Variants in ADAMTS19 observed in about 807,000 individuals in gnomAD.
ADAMTS19 encodes A disintegrin and metalloproteinase with thrombospondin motifs 19.
Under a neutral mutation model 153.3 loss-of-function variants are expected in ADAMTS19, and 93 were observed. That is an observed-to-expected ratio of 0.61 (90% confidence interval 0.51 to 0.72). ADAMTS19 has a LOEUF of 0.72. Ranked by LOEUF, ADAMTS19 falls within the 30% of genes least tolerant of loss-of-function variation. The probability of loss-of-function intolerance (pLI) is 0.00; values close to 1 mark genes in which losing one functional copy is unlikely to be tolerated. For missense variants in ADAMTS19, 1,482 were observed against 1,552.1 expected (o/e 0.95, Z 0.76); for synonymous variants, 600 against 556.6 (o/e 1.08, Z -1.10).
intron 2 of ADAMTS19, among the ~76,000 whole-genome samples, chr5:129,491,033 G>A (rs972113939): frequency 4.6e-5 from 7 of 152,086 alleles, no homozygotes; most frequent in Non-Finnish European, 8.8e-5. Context: ...GTCTCGCTCT[G>A]TTGCCCAGGC....
chr5:129,693,487 C>T (rs1755423886), intron 18 of ADAMTS19, among the ~76,000 whole-genome samples: 1 of 152,108 alleles, frequency 6.6e-6, no homozygotes, highest in African/African-American at 2.4e-5. Context: ...CTTCTTACTT[C>T]TTCATGATCA....
chr5:129,580,521 G>C (rs766365234), intron 7 of ADAMTS19, among the ~76,000 whole-genome samples: 1 of 152,134 alleles, frequency 6.6e-6, no homozygotes, highest in Non-Finnish European at 1.5e-5. Flanking sequence ...GGTTTTCAAA[G>C]GGGATGCTTC....
In ADAMTS19 at chr5:129,555,051, G is replaced by T. The variant is rs376487267; in HGVS notation, c.1372+3144G>T. Among the ~76,000 whole-genome samples the T allele has an allele frequency of 2.9e-4, 44 of 152,026 alleles. No homozygotes were observed. In the East Asian group the frequency reaches 6.8e-3, roughly 23 times the overall value. Reference sequence around the variant, plus strand: ...TTTTGACAGATGCTTTTAAGTCATTGTTTACTTCTTTTCTCTTTTATCTAT... The same window carrying T: ...TTTTGACAGATGCTTTTAAGTCATTTTTTACTTCTTTTCTCTTTTATCTAT... On this transcript the variant is annotated intron_variant, in intron 7 of 22. Transcript: ENST00000274487.
chr5:129,469,666 G>A (rs1286522685), intron 2 of ADAMTS19, among the ~76,000 whole-genome samples: 1 of 152,162 alleles, frequency 6.6e-6, no homozygotes, highest in Non-Finnish European at 1.5e-5. Context: ...TATGCTGAAG[G>A]CCAGGAGAAT....
chr5:129,641,200 C>T (rs1426854134), intron 10 of ADAMTS19, among the ~76,000 whole-genome samples: 1 of 152,184 alleles, frequency 6.6e-6, no homozygotes, highest in African/African-American at 2.4e-5. Context: ...TACATTTCCT[C>T]AGAGTTATCT....
chr5:129,667,597 C>A (rs946169354), intron 16 of ADAMTS19, among the ~76,000 whole-genome samples: 2 of 151,968 alleles, frequency 1.3e-5, no homozygotes, highest in Non-Finnish European at 2.9e-5. Context: ...ATGTACCCCC[C>A]ACCCTCCTGC....
intron 7 of ADAMTS19, among the ~76,000 whole-genome samples, chr5:129,559,282 A>G (rs566383847): frequency 4.7e-4 from 72 of 152,228 alleles, no homozygotes; most frequent in African/African-American, 1.5e-3. Flanking sequence ...GAGTATAAAA[A>G]CAACTTTTCT....
At chr5:129,634,308 T>G (rs1242790882) in intron 10 of ADAMTS19, among the ~76,000 whole-genome samples, 1 of 152,132 alleles carries the variant, frequency 6.6e-6, no homozygotes, top group African/African-American at 2.4e-5. Flanking sequence ...GGAAAAACAT[T>G]CCATGCTTAT....
chr5:129,670,738 T>C (rs925809381), intron 16 of ADAMTS19, among the ~76,000 whole-genome samples: 2 of 152,174 alleles, frequency 1.3e-5, no homozygotes, highest in African/African-American at 4.8e-5. Flanking sequence ...ATCAACTAAT[T>C]GTATAGAATT....
intron 21 of ADAMTS19, among the ~76,000 whole-genome samples, chr5:129,731,063 A>T (rs1443142950): frequency 1.3e-5 from 2 of 151,948 alleles, no homozygotes; most frequent in Non-Finnish European, 2.9e-5. Context: ...GATTCAAGCA[A>T]TTCTCCTGTC....
At chr5:129,694,911 T>G (rs969721260) in intron 19 of ADAMTS19, 56 bp downstream of exon 19, 90 of 1,411,834 alleles carry the variant, frequency 6.4e-5, no homozygotes, top group Non-Finnish European at 8.0e-5. Flanking sequence ...TTGCTGTCCT[T>G]TAAAACATGC....
chr5:129,469,071 C>T (rs959848153), intron 2 of ADAMTS19, among the ~76,000 whole-genome samples: 2 of 152,106 alleles, frequency 1.3e-5, no homozygotes, highest in Admixed American at 6.5e-5. Flanking sequence ...GTCACCACAC[C>T]AGGCCATCTT....
chr5:129,612,415 C>T lies in ADAMTS19; in HGVS notation c.1479-8203C>T, dbSNP rs541295901. Among the ~76,000 whole-genome samples, 6 of 151,994 alleles carry T rather than the reference C, an allele frequency of 3.9e-5. No individual in the cohort carries two copies. The South Asian group carries it at 1.3e-3, about 32-fold the overall frequency. ...TTGCTTAAAGAAAAGAATTTTCAAC[C>T]CAGAATTTCATATCCAGCCAAACTA... is the stretch of plus-strand genomic sequence containing the variant. On this transcript the variant is annotated intron_variant, in intron 8 of 22. Coordinates refer to ENST00000274487, the MANE Select transcript of ADAMTS19 (RefSeq NM_133638.6).
intron 7 of ADAMTS19, among the ~76,000 whole-genome samples, chr5:129,566,870 C>T (rs1198354915): frequency 1.3e-5 from 2 of 152,008 alleles, no homozygotes; most frequent in Admixed American, 6.6e-5. Context: ...ATGGGGTAGA[C>T]GCCATTGCTT....
chr5:129,717,056 A>C (rs1278049278), intron 21 of ADAMTS19, among the ~76,000 whole-genome samples: 1 of 152,188 alleles, frequency 6.6e-6, no homozygotes, highest in Non-Finnish European at 1.5e-5. Flanking sequence ...AAGTCCTCAA[A>C]GACCAGCTGG....
intron 11 of ADAMTS19, among the ~76,000 whole-genome samples, chr5:129,643,375 A>AG (rs1270642386): frequency 6.7e-6 from 1 of 149,036 alleles, no homozygotes; most frequent in Non-Finnish European, 1.5e-5. Flanking sequence ...GACAAAAAAA[A>AG]AAAAAAAAAA....
At chr5:129,618,986 A>G (rs181933656) in intron 8 of ADAMTS19, among the ~76,000 whole-genome samples, 82 of 152,218 alleles carry the variant, frequency 5.4e-4, no homozygotes, top group South Asian at 1.0e-3. Context: ...GTAAAAATTT[A>G]TAATGCAGTA....
chr5:129,607,694 T>C (rs1353616156), intron 8 of ADAMTS19, among the ~76,000 whole-genome samples: 1 of 152,200 alleles, frequency 6.6e-6, no homozygotes, highest in Non-Finnish European at 1.5e-5. Context: ...TTCAATTATA[T>C]TTCAGTTATG....
At chr5:129,630,201 C>T (rs1752226080) in intron 10 of ADAMTS19, among the ~76,000 whole-genome samples, 1 of 152,026 alleles carries the variant, frequency 6.6e-6, no homozygotes, top group Non-Finnish European at 1.5e-5. Flanking sequence ...AAAGTAATGG[C>T]AGAAACCGCA....
Sources: gnomAD v4.1 joint callset for allele counts (sites outside exome capture counted in the v4.1 genomes callset) on GRCh38, gnomAD v4.1.1 for gene constraint, MANE v1.5 for transcripts, NCBI Gene and HGNC (gene_info 2026-07-23, HGNC 2026-07-21) for gene names.